Variants in RFX4 observed in about 807,000 individuals in gnomAD.
The protein encoded by RFX4 is regulatory factor X4.
Under a neutral mutation model 95.0 loss-of-function variants are expected in RFX4, and 10 were observed. That is an observed-to-expected ratio of 0.11 (90% CI 0.06 to 0.18). The LOEUF (loss-of-function observed/expected upper bound fraction) is 0.18. RFX4 is among the 10% of genes least tolerant of loss of function. The pLI is 1.00. For missense variants in RFX4, 640 were observed against 922.0 expected, an observed-to-expected ratio of 0.69 and a Z score of 3.96; for synonymous variants, 321 against 340.7, an observed-to-expected ratio of 0.94 and a Z score of 0.64.
intron 2 of RFX4, among the ~76,000 whole-genome samples, chr12:106,636,904 G>A (rs753452388): frequency 2.0e-5 from 3 of 152,116 alleles, no homozygotes; most frequent in African/African-American, 4.8e-5. Flanking sequence ...CTCAGATTGC[G>A]TTTTTCCCCA....
At chr12:106,591,995 A>G (rs2039554384) in intron 1 of RFX4, among the ~76,000 whole-genome samples, 1 of 152,228 alleles carries the variant, frequency 6.6e-6, no homozygotes, top group African/African-American at 2.4e-5. Flanking sequence ...TCTAAGCCTC[A>G]GTTTCCTTCT....
chr12:106,705,555 A>G (rs1283090208), intron 8 of RFX4, among the ~76,000 whole-genome samples: 1 of 152,198 alleles, frequency 6.6e-6, no homozygotes, highest in African/African-American at 2.4e-5. Context: ...TTAGGGAGGC[A>G]TCTCTTAGAG....
At chr12:106,583,397 T>C in intron 1 of RFX4, 34 bp downstream of exon 1, 5 of 1,527,190 alleles carry the variant, frequency 3.3e-6, no homozygotes, top group Non-Finnish European at 4.4e-6. Flanking sequence ...GGGGATACAT[T>C]GGGAGGGAAG....
At chr12:106,700,914 A>G (rs2041977578) in intron 8 of RFX4, among the ~76,000 whole-genome samples, 1 of 152,182 alleles carries the variant, frequency 6.6e-6, no homozygotes, top group South Asian at 2.1e-4. Flanking sequence ...GAATGATTAA[A>G]GATATGAAAA....
intron 4 of RFX4, among the ~76,000 whole-genome samples, chr12:106,660,092 A>G (rs1194880100): frequency 1.3e-5 from 2 of 151,948 alleles, no homozygotes; most frequent in Non-Finnish European, 2.9e-5. Context: ...CTCCCTCAGC[A>G]CCCGGGTTCA....
intron 10 of RFX4, chr12:106,715,136 A>G: frequency 2.9e-6 from 1 of 341,808 alleles, no homozygotes; most frequent in East Asian, 5.0e-5. Context: ...GGGACTGGAA[A>G]CAGCAGGGTT....
chr12:106,586,146 C>A lies in RFX4; in HGVS notation c.43+2783C>A, dbSNP rs1565940394. Among the ~76,000 whole-genome samples the A allele has an allele frequency of 6.6e-6, 1 of 152,200 alleles. No homozygotes were observed. Among genetic ancestry groups the A allele is most frequent in the African/African-American group, 2.4e-5 (1 of 41,456 alleles). ...TCGGAGGCAAAGCCCCAGCTTGCCG[C>A]GCGCCGCGGTGCTCCGGCAGGAGGC... is the stretch of plus-strand genomic sequence containing the variant. On this transcript the variant is annotated intron_variant, in intron 1 of 17. Transcript: ENST00000392842. The surrounding 1 kb of genome is among the most constrained non-coding windows in gnomAD (Gnocchi z 5.6).
chr12:106,645,566 G>C (rs2040728554), intron 3 of RFX4, among the ~76,000 whole-genome samples: 1 of 152,126 alleles, frequency 6.6e-6, no homozygotes, highest in Non-Finnish European at 1.5e-5. Flanking sequence ...TGGTTGACAA[G>C]CTATCAATAT....
chr12:106,636,161 CT>C (rs923697534), intron 2 of RFX4, among the ~76,000 whole-genome samples: 2 of 151,976 alleles, frequency 1.3e-5, no homozygotes, highest in Admixed American at 6.6e-5. Flanking sequence ...CTCCAGTCAC[CT>C]GAGGTCAGGA....
rs1223428681 is a variant in RFX4, at chr12:106,583,418, A to G, written c.43+55A>G. 5.1e-5 allele frequency: 76 copies of G among 1,484,086 alleles called. No homozygotes were observed. The East Asian group carries it at 1.9e-3, about 37-fold the overall frequency. 91.9% of individuals were successfully genotyped at this position (1,484,086 alleles called of 1,614,324 possible). The stretch of plus-strand genomic sequence containing the variant: ...ACATTGGGAGGGAAGGAGAAGGGAG[A>G]GGGGGAACTTTAGAAAGAAGTTGGG... On this transcript the variant is annotated intron_variant, in intron 1 of 17. Transcript: ENST00000392842.
chr12:106,659,114 G>T (rs2041020674), intron 4 of RFX4, among the ~76,000 whole-genome samples: 1 of 152,160 alleles, frequency 6.6e-6, no homozygotes, highest in Non-Finnish European at 1.5e-5. Context: ...ATAAGAACAA[G>T]CATCTTCTCA....
rs747128854 is a variant in RFX4 at position 106,583,109 on chromosome 12, CCTCT to C, written c.-206_-203del. ...TTCTCCGAGCTCGCTCCCTTCTCTC[CCTCT>C]CTCTCCTCTTTTCTTCTTTCTCTTT... is the stretch of plus-strand genomic sequence containing the variant. On this transcript the variant is annotated 5_prime_UTR_variant, in exon 1 of 18. Coordinates refer to ENST00000392842, the MANE Select transcript of RFX4 (RefSeq NM_213594.3). 4.3e-4 allele frequency: 190 copies of C among 446,818 alleles called. 1 individual carries two copies. The East Asian group carries it at 6.4e-3, about 15-fold the overall frequency. The allele number at this position is 446,818 out of a possible 1,614,324, so 27.7% of individuals were successfully genotyped here.
At chr12:106,689,865 C>T (rs989451409) in intron 7 of RFX4, among the ~76,000 whole-genome samples, 2 of 152,016 alleles carry the variant, frequency 1.3e-5, no homozygotes, top group South Asian at 4.2e-4. Flanking sequence ...TCGTTAAATA[C>T]AAACAATGTA....
intron 3 of RFX4, among the ~76,000 whole-genome samples, chr12:106,647,380 C>A (rs2040768371): frequency 6.6e-6 from 1 of 152,302 alleles, no homozygotes; most frequent in East Asian, 1.9e-4. Flanking sequence ...TGTCCTAGGG[C>A]ATAGTGTTTA....
chr12:106,700,658 G>A (rs1051456704), intron 8 of RFX4, among the ~76,000 whole-genome samples: 5 of 150,216 alleles, frequency 3.3e-5, no homozygotes, highest in Admixed American at 6.6e-5. Flanking sequence ...CGCCCGCCTC[G>A]GCCTCCCAAA....
intron 1 of RFX4, among the ~76,000 whole-genome samples, chr12:106,600,170 C>T (rs1368086301): frequency 6.6e-6 from 1 of 152,152 alleles, no homozygotes; most frequent in African/African-American, 2.4e-5. Flanking sequence ...CGTGTTGATA[C>T]CTGAATCAAT....
intron 1 of RFX4, among the ~76,000 whole-genome samples, chr12:106,598,554 G>A (rs1285538012): frequency 6.6e-6 from 1 of 152,198 alleles, no homozygotes; most frequent in Non-Finnish European, 1.5e-5. Context: ...ATTTTAAAAT[G>A]TAATTTCTGC....
At chr12:106,610,397 C>A (rs1356538842) in intron 2 of RFX4, among the ~76,000 whole-genome samples, 3 of 152,168 alleles carry the variant, frequency 2.0e-5, no homozygotes, top group Non-Finnish European at 2.9e-5. Context: ...GCCATCTACA[C>A]CATTCATTTC....
At chr12:106,620,322 G>T (rs548957610) in intron 2 of RFX4, among the ~76,000 whole-genome samples, 2 of 152,284 alleles carry the variant, frequency 1.3e-5, no homozygotes, top group South Asian at 4.2e-4. Context: ...GAGAAATAAA[G>T]AGAGACAGTA....
Sources: gnomAD v4.1 joint callset for allele counts (sites outside exome capture counted in the v4.1 genomes callset) on GRCh38, gnomAD v4.1.1 for gene constraint, Gnocchi (gnomAD v3.1) non-coding constraint, MANE v1.5 for transcripts, NCBI Gene and HGNC (gene_info 2026-07-23, HGNC 2026-07-21) for gene names.